COL2A1: variants seen among roughly 807,000 people sequenced by gnomAD.
COL2A1 encodes collagen type II alpha 1 chain.
In COL2A1, 28 loss-of-function variants were observed where a neutral mutation model predicts 204.5. The ratio of observed to expected loss-of-function variants is 0.14; its 90% CI spans 0.10 to 0.19. COL2A1 has a LOEUF of 0.19. Among genes scored for constraint, COL2A1 ranks in the 10% least tolerant of loss-of-function variants. The probability of loss-of-function intolerance (pLI) is 1.00; values close to 1 mark genes in which losing one functional copy is unlikely to be tolerated. For synonymous variants in COL2A1, 708 were observed against 718.7 expected (o/e 0.99, Z 0.24); for missense variants, 1,388 against 2,027.5 (o/e 0.68, Z 6.06).
Position 47,978,874 on chromosome 12 carries a change from C to G in COL2A1, c.2734-116G>C. On this transcript the variant is annotated intron_variant, in intron 41 of 53. Transcript: ENST00000380518. This position sits in a 1 kb window ranked among gnomAD's most constrained non-coding sequence, Gnocchi z 5.5. ...CCTCTCTGGGGGCTTCTCTACCTCCCCACACTAAGGGCAGGCAGCTTAACC... is the reference window on the plus strand; with the variant it reads ...CCTCTCTGGGGGCTTCTCTACCTCCGCACACTAAGGGCAGGCAGCTTAACC... 9.3e-7 allele frequency: 1 copy of G among 1,073,760 alleles called. No individual in the cohort carries two copies. The highest frequency in any genetic ancestry group is 1.4e-6 in the Non-Finnish European group (1 of 715,004). The allele number at this position is 1,073,760 out of a possible 1,614,324, so 66.5% of individuals were successfully genotyped here.
chr12:48,002,349 C>G (rs941217836), intron 1 of COL2A1, among the ~76,000 whole-genome samples: 1 of 152,184 alleles, frequency 6.6e-6, no homozygotes, highest in East Asian at 1.9e-4. Flanking sequence ...TGGCCGAGCT[C>G]TAGGTGTCTG....
chr12:48,001,753 C>T (rs1291878404), intron 1 of COL2A1, among the ~76,000 whole-genome samples: 1 of 152,154 alleles, frequency 6.6e-6, no homozygotes, highest in East Asian at 1.9e-4. Flanking sequence ...AATGACTGCC[C>T]CAGAAAGGAG....
Position 47,979,548 on chromosome 12 carries a change from G to A in COL2A1, c.2696C>T (p.Pro899Leu). 1 of 1,613,494 alleles carries A rather than the reference G, an allele frequency of 6.2e-7. No homozygotes were observed. Among genetic ancestry groups the A allele is most frequent in the Non-Finnish European group, 8.5e-7 (1 of 1,179,914 alleles). ...AQGPPGATGF[P>L]GAAGRVGPPG... ...GGGTCCAACGCGGCCAGCAGCTCCA[G>A]GGAATCCAGTGGCTCCCTGTGTGGG... Residue 899 changes from proline to leucine, a missense_variant, in exon 41 of 54, where the codon CCT (proline) becomes CTT (leucine). By Grantham distance (98) the Pro-to-Leu change is moderately conservative (BLOSUM62 -3). Coordinates refer to ENST00000380518, the MANE Select transcript of COL2A1 (RefSeq NM_001844.5).
At position 47,974,340 on chromosome 12, in the gene COL2A1, G is replaced by T; in HGVS notation, c.4075-9C>A. The T allele has an allele frequency of 6.2e-7, 1 of 1,613,496 alleles. No individual in the cohort carries two copies. Among genetic ancestry groups the T allele is most frequent in the African/African-American group, 1.3e-5 (1 of 75,040 alleles). On this transcript the variant is annotated splice_polypyrimidine_tract_variant and intron_variant, in intron 52 of 53. Transcript: ENST00000380518. ...TCATCTCCATAGCTGAACTGTTGGG[G>T]CAGAGAGCGGCAGTGTGAGGCCTGG...
chr12:47,975,433 G>A lies in COL2A1; in HGVS notation c.3770C>T (p.Ala1257Val). ...CTGGTTGTTGAGGGACTTGAGTGTG[G>A]CATCCACCTCGGCGTCATGCTGTCT... ...GLRQHDAEVD[A>V]TLKSLNNQIE... Residue 1257 changes from alanine (A) to valine (V), a missense_variant, in exon 51 of 54, where the codon GCC (alanine) becomes GTC (valine). Around this residue, in one of 3 missense-constraint regions of COL2A1, gnomAD observed 303 missense variants for 369.2 expected, o/e 0.82. Transcript: ENST00000380518. 1.9e-6 allele frequency: 3 copies of A among 1,614,150 alleles called. No individual in the cohort carries two copies. Among genetic ancestry groups the A allele is most frequent in the African/African-American group, 1.3e-5 (1 of 75,042 alleles).
rs756388405 is a variant in COL2A1, at chr12:47,974,669, A to G, written c.4074+6T>C. 1.2e-5 allele frequency: 20 copies of G among 1,613,900 alleles called. No homozygotes were observed. The highest frequency in any genetic ancestry group is 1.7e-5 in the Non-Finnish European group (20 of 1,179,756). On this transcript the variant is annotated splice_donor_region_variant and intron_variant, in intron 52 of 53. Coordinates refer to ENST00000380518, the MANE Select transcript of COL2A1 (RefSeq NM_001844.5). ...TGCTCATCATCTAGGGCACCCAGGT[A>G]CTCACATGGAAGCCACCATTGATGG... is the stretch of plus-strand genomic sequence containing the variant.
chr12:47,978,697 C>T lies in COL2A1; in HGVS notation c.2795G>A (p.Arg932Gln), dbSNP rs570320774. ...PSGKDGPKGA[R>Q]GDSGPPGRAG... ...TCGGCCAGGGGGGCCGCTGTCTCCT[C>T]GAGCACCTTTGGGACCATCTTTTCC... is the stretch of plus-strand genomic sequence containing the variant. Residue 932 changes from arginine to glutamine, a missense_variant, in exon 42 of 54, where the codon CGA becomes CAA. By Grantham distance (43) the Arg-to-Gln change is conservative. This residue lies in a region of COL2A1 where 884 missense variants were observed against 1,415.8 expected (regional missense o/e 0.62). Coordinates refer to ENST00000380518, the MANE Select transcript of COL2A1 (RefSeq NM_001844.5). This position sits in a 1 kb window ranked among gnomAD's most constrained non-coding sequence, Gnocchi z 5.5. The T allele has an allele frequency of 1.5e-5, 24 of 1,613,252 alleles. No individual in the cohort carries two copies. Among genetic ancestry groups the T allele is most frequent in the South Asian group, 5.5e-5 (5 of 91,084 alleles).
In COL2A1 at chr12:47,980,243, T is replaced by C. The variant is rs1479980702; in HGVS notation, c.2626-181A>G. Among the ~76,000 whole-genome samples, 1 of 152,134 alleles carries C rather than the reference T, an allele frequency of 6.6e-6. No individual in the cohort carries two copies. The highest frequency in any genetic ancestry group is 1.5e-5 in the Non-Finnish European group (1 of 68,008). On this transcript the variant is annotated intron_variant, in intron 39 of 53. Coordinates refer to ENST00000380518, the MANE Select transcript of COL2A1 (RefSeq NM_001844.5). The surrounding 1 kb of genome is among the most constrained non-coding windows in gnomAD (Gnocchi z 4.5). ...CCCCTCTGCCACAGGAGACTTGTGTTCTAGGAGAAGCCTGTCAGGCAACCA... is the reference window on the plus strand; with the variant it reads ...CCCCTCTGCCACAGGAGACTTGTGTCCTAGGAGAAGCCTGTCAGGCAACCA...
chr12:47,976,764 T>C lies in COL2A1; in HGVS notation c.3435+48A>G. The C allele has an allele frequency of 6.5e-7, 1 of 1,550,088 alleles. No homozygotes were observed. The highest frequency in any genetic ancestry group is 1.4e-5 in the African/African-American group (1 of 73,798). On this transcript the variant is annotated intron_variant, in intron 48 of 53. Transcript: ENST00000380518. This position sits in a 1 kb window ranked among gnomAD's most constrained non-coding sequence, Gnocchi z 4.3. ...CAGCACAGGGAGCTCAAGTGGGCTC[T>C]GTGTGGCAGGAGGCCTCGGGAAGTC...
chr12:47,990,036 C>T (rs369577529), intron 16 of COL2A1, among the ~76,000 whole-genome samples: 1 of 152,122 alleles, frequency 6.6e-6, no homozygotes, highest in East Asian at 1.9e-4. Flanking sequence ...GAGACGGAGT[C>T]TGGCTCTGTC....
intron 10 of COL2A1, 151 bp from the exon 11 acceptor site, chr12:47,995,459 G>A: frequency 1.2e-6 from 1 of 830,302 alleles, no homozygotes; most frequent in Non-Finnish European, 2.1e-6. Flanking sequence ...GATCATAGTG[G>A]GACGCAGCAG....
At position 47,975,608 on chromosome 12, in the gene COL2A1, G is replaced by A. The variant is rs1210989012; in HGVS notation, c.3598-3C>T. The A allele has an allele frequency of 6.3e-7, 1 of 1,599,448 alleles. No homozygotes were observed. Among genetic ancestry groups the A allele is most frequent in the East Asian group, 2.2e-5 (1 of 44,872 alleles). On this transcript the variant is annotated splice_polypyrimidine_tract_variant and splice_region_variant and intron_variant, in intron 50 of 53. Transcript: ENST00000380518. ...GGTCCAGGATTTCCAGGAGGACCCT[G>A]CAGCAGGAAACAGAGAGATCAGCCA...
At chr12:47,991,601 A>G (rs1214965622) in intron 16 of COL2A1, among the ~76,000 whole-genome samples, 1 of 152,190 alleles carries the variant, frequency 6.6e-6, no homozygotes, top group Non-Finnish European at 1.5e-5. Context: ...AATGTTGTCA[A>G]TCTTCTAAGC....
chr12:47,993,334 T>C (rs1939794224), intron 15 of COL2A1, 124 bp downstream of exon 15: 1 of 831,046 alleles, frequency 1.2e-6, no homozygotes, highest in Admixed American at 1.9e-5. Context: ...CATTTTGCTT[T>C]TTGCTCACAA....
rs367625071 is a variant in COL2A1, at chr12:47,974,311, A to G, written c.4095T>C (p.Asn1365=). The change falls in exon 53 of 54, where the codon AAT becomes AAC. Residue 1365 remains asparagine, a synonymous_variant. Transcript: ENST00000380518. ...GGACGTTGGCAGTGTTGGGAGCCAGATTGTCATCTCCATAGCTGAACTGTT... is the reference window on the plus strand; with the variant it reads ...GGACGTTGGCAGTGTTGGGAGCCAGGTTGTCATCTCCATAGCTGAACTGTT... ...GGFHFSYGDD[N]LAPNTANVQM... is the part of the protein sequence containing the mutation. The G allele has an allele frequency of 2.3e-4, 367 of 1,613,922 alleles. No homozygotes were observed. The highest frequency in any genetic ancestry group is 3.1e-4 in the Non-Finnish European group (360 of 1,180,016).
In COL2A1 at chr12:48,000,055, G is replaced by A. The variant is rs1246771678; in HGVS notation, c.156C>T (p.Cys52=). ...NDKDVWKPEP[C]RICVCDTGTV... is the part of the protein sequence containing the mutation. ...TCCCAGTGTCACAGACACAGATCCG[G>A]CAGGGCTCCGGCTTCCACACATCCT... is the stretch of plus-strand genomic sequence containing the variant. Residue 52 remains cysteine, a synonymous_variant, in exon 2 of 54, where the codon TGC becomes TGT. Transcript: ENST00000380518. The A allele has an allele frequency of 6.2e-7, 1 of 1,613,894 alleles. No individual in the cohort carries two copies. The highest frequency in any genetic ancestry group is 8.5e-7 in the Non-Finnish European group (1 of 1,179,964).
Position 47,995,267 on chromosome 12 carries a change from C to A in COL2A1, c.750G>T (p.Lys250Asn), listed in dbSNP as rs1355313017. The A allele has an allele frequency of 1.9e-6, 3 of 1,613,578 alleles. No homozygotes were observed. In the South Asian group the frequency reaches 3.3e-5, roughly 18 times the overall value. The change falls in exon 11 of 54, where the codon AAG becomes AAT. Residue 250 changes from lysine (K) to asparagine (N), a missense_variant. Transcript: ENST00000380518. The stretch of plus-strand genomic sequence containing the variant: ...CGTGTATACTCACATCATCACCAGG[C>A]TTTCCAGGGGGACCAGGAGGACCAC... ...GPRGPPGPPGKPGDDGEAGKP... is the reference protein window; with the variant it reads ...GPRGPPGPPGNPGDDGEAGKP...
At position 48,004,347 on chromosome 12, in the gene COL2A1, C is replaced by T. The variant is rs1304060152; in HGVS notation, c.-26G>A. ...GGCTCACCGCGGGGCCTGGCTGAGCCGGGCCCGGGCGGAGCGCAGCGAAAC... is the reference window on the plus strand; with the variant it reads ...GGCTCACCGCGGGGCCTGGCTGAGCTGGGCCCGGGCGGAGCGCAGCGAAAC... On this transcript the variant is annotated 5_prime_UTR_variant, in exon 1 of 54. Transcript: ENST00000380518. The T allele has an allele frequency of 8.3e-6, 12 of 1,450,424 alleles. No individual in the cohort carries two copies. The East Asian group carries it at 2.5e-4, about 30-fold the overall frequency. 89.8% of individuals were successfully genotyped at this position (1,450,424 alleles called of 1,614,324 possible).
At chr12:47,981,900 C>T (rs1592209739) in intron 35 of COL2A1, 71 bp from the exon 36 acceptor site, 1 of 1,480,984 alleles carries the variant, frequency 6.8e-7, no homozygotes, top group Non-Finnish European at 9.3e-7. Flanking sequence ...CGGCACCAAG[C>T]CAACCTTGGT....
Sources: allele counts gnomAD v4.1 joint callset (sites outside exome capture counted in the v4.1 genomes callset), GRCh38; gene constraint gnomAD v4.1.1; regional missense constraint gnomAD v4.1.1; non-coding constraint Gnocchi (gnomAD v3.1); transcripts MANE v1.5; gene names NCBI Gene and HGNC (gene_info 2026-07-23, HGNC 2026-07-21).